The following RRBP1 variants were observed in gnomAD, a reference collection of about 807,000 sequenced individuals.
The protein encoded by RRBP1 is ribosome binding protein 1, also known as ribosome-binding protein 1.
Under a neutral mutation model 165.2 loss-of-function variants are expected in RRBP1, and 94 were observed. The observed-to-expected ratio is 0.57, with a 90% CI of 0.48 to 0.68. RRBP1 has a LOEUF of 0.68. Ranked by LOEUF, RRBP1 falls within the 30% of genes least tolerant of loss-of-function variation. The pLI is 0.00. For missense variants in RRBP1, 1,676 were observed against 1,763.0 expected (o/e 0.95, Z 0.88); for synonymous variants, 680 against 714.5 (o/e 0.95, Z 0.77).
In RRBP1 at chr20:17,614,162, T is replaced by A; in HGVS notation, c.*20A>T. 2 of 1,613,534 alleles carry A rather than the reference T, an allele frequency of 1.2e-6. No individual in the cohort carries two copies. The highest frequency in any genetic ancestry group is 1.7e-6 in the Non-Finnish European group (2 of 1,179,514). On this transcript the variant is annotated 3_prime_UTR_variant, in exon 25 of 25. Transcript: ENST00000377813. ...CATTTTGGTAAGTTGAACAGTAACT[T>A]CTTTTTCCAAAGAGGAAACTCAGAC...
At position 17,632,149 on chromosome 20, in the gene RRBP1, G is replaced by A. The variant is rs3790322; in HGVS notation, c.2610+1311C>T. ...CCAGGACCTGAACCCGACAGCTGGC[G>A]CCAAAGGCCTCACTGTCAATCACAG... On this transcript the variant is annotated intron_variant, in intron 8 of 24. Transcript: ENST00000377813. 5.3e-5 allele frequency among the ~76,000 whole-genome samples: 8 copies of A among 152,300 alleles called. No individual in the cohort carries two copies. The East Asian group carries it at 1.5e-3, about 29-fold the overall frequency.
At chr20:17,656,481 A>G (rs1245148043) in intron 3 of RRBP1, among the ~76,000 whole-genome samples, 1 of 152,208 alleles carries the variant, frequency 6.6e-6, no homozygotes, top group African/African-American at 2.4e-5. Flanking sequence ...GGCGGGTCTA[A>G]GAAGACTTTT....
intron 2 of RRBP1, among the ~76,000 whole-genome samples, chr20:17,675,641 A>C (rs533328949): frequency 6.6e-6 from 1 of 152,248 alleles, no homozygotes; most frequent in Non-Finnish European, 1.5e-5. Flanking sequence ...GTGCCATCTA[A>C]GGAAAAGCTC....
At chr20:17,627,283 C>T in intron 11 of RRBP1, 65 bp downstream of exon 11, 2 of 1,572,774 alleles carry the variant, frequency 1.3e-6, no homozygotes, top group Non-Finnish European at 1.7e-6. Flanking sequence ...ACCCTGGCCC[C>T]CCAAGGGTCT....
chr20:17,624,372 CTG>C (rs2035974104), intron 13 of RRBP1, among the ~76,000 whole-genome samples: 1 of 152,286 alleles, frequency 6.6e-6, no homozygotes, highest in South Asian at 2.1e-4. Flanking sequence ...CCTAGTGCCT[CTG>C]TGTGTCCTAG....
chr20:17,633,612 G>A lies in RRBP1; in HGVS notation c.2458C>T (p.Gln820Ter). ...NQATSQVESKQNAELAKLRQE... is the reference protein window; with the variant it reads ...NQATSQVESK ...CGAAGCTTGGCCAGCTCTGCGTTCTGCCTGCAAGACAGTCACCAGCCCGAC... is the reference window on the plus strand; with the variant it reads ...CGAAGCTTGGCCAGCTCTGCGTTCTACCTGCAAGACAGTCACCAGCCCGAC... The change falls in exon 8 of 25, where the codon CAG becomes TAG. Residue 820 changes from glutamine (Q) to a stop codon, truncating the protein, a stop_gained and splice_region_variant. Transcript: ENST00000377813. LOFTEE classifies it high-confidence loss of function. The A allele has an allele frequency of 1.2e-6, 2 of 1,613,704 alleles. No homozygotes were observed. The highest frequency in any genetic ancestry group is 1.7e-6 in the Non-Finnish European group (2 of 1,179,890).
chr20:17,681,384 G>C (rs1401206915), intron 1 of RRBP1, among the ~76,000 whole-genome samples: 1 of 147,642 alleles, frequency 6.8e-6, no homozygotes, highest in Non-Finnish European at 1.5e-5. Flanking sequence ...GGACAGACCC[G>C]GTCCCTGCGC....
chr20:17,669,452 T>C (rs1015335898), intron 2 of RRBP1, among the ~76,000 whole-genome samples: 1 of 152,202 alleles, frequency 6.6e-6, no homozygotes, highest in Non-Finnish European at 1.5e-5. Flanking sequence ...ACAAGGGAGT[T>C]CTTACTGCCG....
chr20:17,620,923 A>C lies in RRBP1; in HGVS notation c.3415-116T>G. On this transcript the variant is annotated intron_variant, in intron 16 of 24. Transcript: ENST00000377813. ...CTGCCGTGCTCCGCCTGCTGACTTCATGAGCGCCAGCGTTAGGTGGGGAGG... is the reference window on the plus strand; with the variant it reads ...CTGCCGTGCTCCGCCTGCTGACTTCCTGAGCGCCAGCGTTAGGTGGGGAGG... 4.1e-6 allele frequency: 3 copies of C among 734,678 alleles called. No homozygotes were observed. The South Asian group carries it at 5.3e-5, about 13-fold the overall frequency. 45.5% of individuals were successfully genotyped at this position (734,678 alleles called of 1,614,324 possible).
chr20:17,676,166 G>A (rs752555645), intron 2 of RRBP1, among the ~76,000 whole-genome samples: 1 of 152,138 alleles, frequency 6.6e-6, no homozygotes, highest in Non-Finnish European at 1.5e-5. Flanking sequence ...CAGTGATTGC[G>A]CCACTGTACT....
chr20:17,667,814 C>T (rs2036899497), intron 2 of RRBP1, among the ~76,000 whole-genome samples: 1 of 152,192 alleles, frequency 6.6e-6, no homozygotes, highest in African/African-American at 2.4e-5. Context: ...TTGAGTAGTT[C>T]TTTCAGCAAG....
chr20:17,620,277 G>C (rs755866160), intron 18 of RRBP1, 22 bp downstream of exon 18: 1 of 1,581,608 alleles, frequency 6.3e-7, no homozygotes, highest in Non-Finnish European at 8.7e-7. Flanking sequence ...AAGAGAAAGA[G>C]TTCTCTGAGC....
chr20:17,643,917 C>T lies in RRBP1; in HGVS notation c.1913-790G>A, dbSNP rs904288819. On this transcript the variant is annotated intron_variant, in intron 3 of 24. Transcript: ENST00000377813. This position sits in a 1 kb window ranked among gnomAD's most constrained non-coding sequence, Gnocchi z 4.3. ...TCTCATTGGGGCTTGAATGCAGCCT[C>T]GGAAGCAAGAAAGGGTGAACCAAGA... Among the ~76,000 whole-genome samples the T allele has an allele frequency of 5.3e-5, 8 of 152,098 alleles. No homozygotes were observed. Among genetic ancestry groups the T allele is most frequent in the Admixed American group, 1.3e-4 (2 of 15,270 alleles).
chr20:17,632,043 G>A (rs1013399821), intron 8 of RRBP1, among the ~76,000 whole-genome samples: 1 of 152,206 alleles, frequency 6.6e-6, no homozygotes, highest in African/African-American at 2.4e-5. Flanking sequence ...CAGTCACCCT[G>A]CAGGACAGCT....
intron 3 of RRBP1, among the ~76,000 whole-genome samples, chr20:17,646,594 G>C (rs1419373400): frequency 6.6e-6 from 1 of 152,220 alleles, no homozygotes; most frequent in East Asian, 1.9e-4. Flanking sequence ...TTGGAACCAT[G>C]CCTGGCGCAG....
At chr20:17,626,837 C>T (rs2036031280) in intron 11 of RRBP1, among the ~76,000 whole-genome samples, 1 of 152,246 alleles carries the variant, frequency 6.6e-6, no homozygotes, top group South Asian at 2.1e-4. Context: ...GGAGGGAAAA[C>T]AAGGTCTGGC....
rs2036065536 is a variant in RRBP1, at chr20:17,628,010, C to A, written c.2750-328G>T. On this transcript the variant is annotated intron_variant, in intron 9 of 24. Coordinates refer to ENST00000377813, the MANE Select transcript of RRBP1 (RefSeq NM_001365613.2). ...ATCTTCTAGAAGACTCTTTTTCTTA[C>A]TGAGACCAGAAGTTCCTTAGAAAGT... Among the ~76,000 whole-genome samples, 5 of 152,292 alleles carry A rather than the reference C, an allele frequency of 3.3e-5. No homozygotes were observed. In the South Asian group the frequency reaches 8.3e-4, roughly 25 times the overall value.
intron 2 of RRBP1, among the ~76,000 whole-genome samples, chr20:17,663,340 A>G (rs1417580544): frequency 6.6e-6 from 1 of 152,260 alleles, no homozygotes; most frequent in Non-Finnish European, 1.5e-5. Flanking sequence ...AACACAGAAT[A>G]CAAAAACATA....
intron 3 of RRBP1, among the ~76,000 whole-genome samples, chr20:17,648,034 G>A (rs149451863): frequency 4.3e-4 from 66 of 152,316 alleles, no homozygotes; most frequent in African/African-American, 1.4e-3. Flanking sequence ...CACGCAAGCA[G>A]TCATCAGCCT....
Sources: allele counts gnomAD v4.1 joint callset (sites outside exome capture counted in the v4.1 genomes callset), GRCh38; gene constraint gnomAD v4.1.1; non-coding constraint Gnocchi (gnomAD v3.1); transcripts MANE v1.5; gene names NCBI Gene and HGNC (gene_info 2026-07-23, HGNC 2026-07-21).